NAV3: variants seen among roughly 807,000 people sequenced by gnomAD.
NAV3 encodes neuron navigator 3, also known as pore membrane and/or filament interacting like protein 1.
NAV3 carries 87 observed loss-of-function variants against 244.7 expected under a neutral mutation model. The ratio of observed to expected loss-of-function variants is 0.36; its 90% confidence interval spans 0.30 to 0.42. NAV3 has a LOEUF of 0.42. Ranked by LOEUF, NAV3 falls within the 20% of genes least tolerant of loss-of-function variation. NAV3 has a pLI of 1.00. For synonymous variants in NAV3, 1,126 were observed against 1,042.2 expected (o/e 1.08, Z -1.55); for missense variants, 2,663 against 2,893.3 (o/e 0.92, Z 1.83).
chr12:77,882,584 C>A (rs1289662461), intron 1 of NAV3, among the ~76,000 whole-genome samples: 1 of 152,006 alleles, frequency 6.6e-6, no homozygotes, highest in Non-Finnish European at 1.5e-5. Context: ...ACAAGTTGGA[C>A]CTAATTAAAC....
chr12:77,898,795 T>TA (rs1884931866), intron 1 of NAV3, among the ~76,000 whole-genome samples: 1 of 152,256 alleles, frequency 6.6e-6, no homozygotes, highest in African/African-American at 2.4e-5. Context: ...AGAGCTGCCA[T>TA]AGTGATTCCT....
intron 23 of NAV3, 28 bp downstream of exon 23, chr12:78,159,314 T>C (rs1957428256): frequency 6.3e-7 from 1 of 1,583,450 alleles, no homozygotes. Context: ...CACTGGAGAC[T>C]GAAAGAAGAC....
intron 23 of NAV3, 63 bp from the exon 24 acceptor site, chr12:78,168,692 T>G (rs1957880182): frequency 9.5e-7 from 1 of 1,056,960 alleles, no homozygotes; most frequent in Non-Finnish European, 1.4e-6. Context: ...AATTCAACTA[T>G]GAGCAGGGAG....
chr12:78,088,232 ATTGT>A (rs1953738204), intron 12 of NAV3, among the ~76,000 whole-genome samples: 1 of 151,974 alleles, frequency 6.6e-6, no homozygotes, highest in South Asian at 2.1e-4. Context: ...CAATTAGTTG[ATTGT>A]TCTGAAATGC....
At chr12:77,732,532 A>G (rs1287878239) in intron 2 of NAV3, among the ~76,000 whole-genome samples, 1 of 152,022 alleles carries the variant, frequency 6.6e-6, no homozygotes, top group Non-Finnish European at 1.5e-5. Flanking sequence ...TTTATTACTT[A>G]TAGTTCTGGT....
At chr12:77,712,463 G>C (rs1280575996) in intron 2 of NAV3, among the ~76,000 whole-genome samples, 1 of 152,140 alleles carries the variant, frequency 6.6e-6, no homozygotes, top group Non-Finnish European at 1.5e-5. Context: ...GAAACAAAAA[G>C]AGGCCAGTCT....
intron 7 of NAV3, among the ~76,000 whole-genome samples, chr12:78,000,208 A>G (rs534710747): frequency 1.6e-4 from 24 of 152,294 alleles, no homozygotes; most frequent in African/African-American, 4.8e-4. Flanking sequence ...GCAAAATTAG[A>G]TAGTAGCAAT....
intron 2 of NAV3, among the ~76,000 whole-genome samples, chr12:77,659,056 C>T (rs1218012669): frequency 3.3e-5 from 5 of 151,856 alleles, no homozygotes; most frequent in Admixed American, 6.6e-5. Flanking sequence ...TGGGCAAGGA[C>T]TTCATGTCGA....
intron 2 of NAV3, among the ~76,000 whole-genome samples, chr12:77,644,285 C>T (rs1872533639): frequency 6.6e-6 from 1 of 152,022 alleles, no homozygotes; most frequent in South Asian, 2.1e-4. Flanking sequence ...TATGTCCCCT[C>T]ATGTGGTATC....
In NAV3 at chr12:78,024,430, C is replaced by T. The variant is rs74106106; in HGVS notation, c.2023+2568C>T. On this transcript the variant is annotated intron_variant, in intron 9 of 39. Transcript: ENST00000397909. The stretch of plus-strand genomic sequence containing the variant: ...TTTATACCTTTTTTTCTCAAATGTC[C>T]GACATCACCAGTCCCATCCTTTCTC... Among the ~76,000 whole-genome samples, 733 of 152,160 alleles carry T rather than the reference C, an allele frequency of 4.8e-3. 7 individuals carry two copies. The highest frequency in any genetic ancestry group is 0.016 in the African/African-American group (684 of 41,510).
At chr12:77,982,849 T>C (rs1400065763) in intron 5 of NAV3, among the ~76,000 whole-genome samples, 1 of 152,180 alleles carries the variant, frequency 6.6e-6, no homozygotes, top group Non-Finnish European at 1.5e-5. Flanking sequence ...CTCACAGGTC[T>C]AGCAGCTTAA....
intron 1 of NAV3, among the ~76,000 whole-genome samples, chr12:77,910,144 G>C (rs778821809): frequency 6.6e-6 from 1 of 152,034 alleles, no homozygotes; most frequent in Non-Finnish European, 1.5e-5. Context: ...GGTTATTTGA[G>C]ACCGGGTAAT....
intron 2 of NAV3, among the ~76,000 whole-genome samples, chr12:77,713,840 G>A (rs1158912683): frequency 6.6e-6 from 1 of 151,948 alleles, no homozygotes; most frequent in Non-Finnish European, 1.5e-5. Context: ...CAGTTTCTTG[G>A]TTATTGTGGG....
chr12:77,930,662 C>G (rs1888695802), intron 1 of NAV3, among the ~76,000 whole-genome samples: 1 of 152,178 alleles, frequency 6.6e-6, no homozygotes, highest in South Asian at 2.1e-4. Context: ...CTTTGCCTCT[C>G]TCTTACATTT....
chr12:77,723,065 G>A (rs1876710564), intron 2 of NAV3, among the ~76,000 whole-genome samples: 1 of 151,856 alleles, frequency 6.6e-6, no homozygotes, highest in Admixed American at 6.6e-5. Context: ...TTTACTAAAT[G>A]TTTTTCTACT....
intron 2 of NAV3, among the ~76,000 whole-genome samples, chr12:77,669,750 G>A (rs144892363): frequency 1.3e-5 from 2 of 152,028 alleles, no homozygotes; most frequent in Non-Finnish European, 2.9e-5. Context: ...AACAATAATA[G>A]TAGGGGACTT....
chr12:77,831,280 C>A lies in NAV3; in HGVS notation c.-182C>A. The A allele has an allele frequency of 3.8e-6, 2 of 520,502 alleles. No homozygotes were observed. The highest frequency in any genetic ancestry group is 6.6e-6 in the Non-Finnish European group (2 of 302,396). 32.2% of individuals were successfully genotyped at this position (520,502 alleles called of 1,614,324 possible). ...CCCAGCCAGCAAGAAAGAAAAGATA[C>A]TTAACTAAAGATGCAGGGAAGTTTT... On this transcript the variant is annotated 5_prime_UTR_variant, in exon 1 of 40. Transcript: ENST00000397909.
intron 2 of NAV3, among the ~76,000 whole-genome samples, chr12:77,628,374 T>C (rs73425565): frequency 0.12 from 18,123 of 151,996 alleles, 1,995 homozygotes; most frequent in African/African-American, 0.29. Flanking sequence ...ACTAAAGAAG[T>C]CAAAATGAGT....
intron 1 of NAV3, among the ~76,000 whole-genome samples, chr12:77,930,486 A>T (rs1318439646): frequency 1.3e-5 from 2 of 151,602 alleles, no homozygotes; most frequent in African/African-American, 4.9e-5. Context: ...CCATCCGTAT[A>T]CAATTTTCCT....
Sources: gnomAD v4.1 joint callset for allele counts (sites outside exome capture counted in the v4.1 genomes callset) on GRCh38, gnomAD v4.1.1 for gene constraint, MANE v1.5 for transcripts, NCBI Gene and HGNC (gene_info 2026-07-23, HGNC 2026-07-21) for gene names.